Variants in CTNNA3 observed in about 807,000 individuals in gnomAD.
CTNNA3 encodes catenin alpha 3.
CTNNA3 carries 76 observed loss-of-function variants against 95.7 expected under a neutral mutation model. The observed-to-expected ratio is 0.79, with a 90% CI of 0.66 to 0.96. CTNNA3 has a LOEUF of 0.96. Among genes scored for constraint, CTNNA3 ranks in the 40% least tolerant of loss-of-function variants. The probability of loss-of-function intolerance (pLI) is 0.00; values close to 1 mark genes in which losing one functional copy is unlikely to be tolerated. For synonymous variants in CTNNA3, 431 were observed against 374.4 expected, an observed-to-expected ratio of 1.15 and a Z score of -1.74; for missense variants, 1,191 against 1,089.8, an observed-to-expected ratio of 1.09 and a Z score of -1.31.
intron 17 of CTNNA3, among the ~76,000 whole-genome samples, chr10:65,924,966 A>G (rs1420973837): frequency 6.6e-6 from 1 of 152,092 alleles, no homozygotes; most frequent in Non-Finnish European, 1.5e-5. Flanking sequence ...CATGGGAAAA[A>G]CCTGCCCCAT....
chr10:65,980,189 A>G (rs964703072), intron 16 of CTNNA3, among the ~76,000 whole-genome samples: 5 of 152,074 alleles, frequency 3.3e-5, no homozygotes, highest in African/African-American at 1.2e-4. Flanking sequence ...CAAGGCTACT[A>G]TGAACACCTT....
chr10:67,145,605 AT>A (rs1345801609), intron 7 of CTNNA3, among the ~76,000 whole-genome samples: 3 of 151,692 alleles, frequency 2.0e-5, no homozygotes, highest in Non-Finnish European at 4.4e-5. Flanking sequence ...TAATTTTTGT[AT>A]TTTTAGTAGA....
intron 10 of CTNNA3, among the ~76,000 whole-genome samples, chr10:66,590,033 A>G (rs1296244349): frequency 2.0e-5 from 3 of 152,150 alleles, no homozygotes; most frequent in Admixed American, 1.3e-4. Flanking sequence ...TTGGTAGCCT[A>G]AAATATGTTT....
rs16923813 is a variant in CTNNA3 at position 66,942,041 on chromosome 10, C to A, written c.1048-166517G>T. On this transcript the variant is annotated intron_variant, in intron 7 of 17. Coordinates refer to ENST00000433211, the MANE Select transcript of CTNNA3 (RefSeq NM_013266.4). Reference sequence around the variant, plus strand: ...GGTGCAGTTTTGGTTAGCCTGGTAGCACGGCATGGTATCAGTTTCCTCATC... The same window carrying A: ...GGTGCAGTTTTGGTTAGCCTGGTAGAACGGCATGGTATCAGTTTCCTCATC... Among the ~76,000 whole-genome samples the A allele has an allele frequency of 0.02, 3,055 of 152,218 alleles. 210 individuals carry two copies. In the East Asian group the frequency reaches 0.25, roughly 13 times the overall value.
At chr10:66,463,274 G>A (rs918905483) in intron 11 of CTNNA3, among the ~76,000 whole-genome samples, 1 of 152,060 alleles carries the variant, frequency 6.6e-6, no homozygotes, top group Non-Finnish European at 1.5e-5. Context: ...TGCTCTATTA[G>A]TTCCTTTGAG....
intron 13 of CTNNA3, among the ~76,000 whole-genome samples, chr10:66,216,224 A>T (rs1157994924): frequency 6.6e-6 from 1 of 152,212 alleles, no homozygotes; most frequent in African/African-American, 2.4e-5. Context: ...AAATCTGTCA[A>T]CTTCAATCCG....
intron 11 of CTNNA3, among the ~76,000 whole-genome samples, chr10:66,474,937 A>T (rs1011704760): frequency 6.6e-6 from 1 of 151,914 alleles, no homozygotes; most frequent in East Asian, 1.9e-4. Context: ...TATTGAGTTC[A>T]GTTGAGTTCC....
intron 9 of CTNNA3, among the ~76,000 whole-genome samples, chr10:66,732,955 C>G (rs1214079529): frequency 1.3e-5 from 2 of 151,982 alleles, no homozygotes; most frequent in Non-Finnish European, 1.5e-5. Flanking sequence ...GCCACCGCGC[C>G]CAGCTGATTT....
chr10:67,285,258 G>A (rs548682193), intron 5 of CTNNA3, among the ~76,000 whole-genome samples: 3 of 152,302 alleles, frequency 2.0e-5, no homozygotes, highest in East Asian at 3.9e-4. Flanking sequence ...AGGTAGAGGA[G>A]AAAATTGTTT....
chr10:66,173,140 A>G (rs1048778146), intron 13 of CTNNA3, among the ~76,000 whole-genome samples: 1 of 152,206 alleles, frequency 6.6e-6, no homozygotes, highest in Non-Finnish European at 1.5e-5. Context: ...ATCTATTAGA[A>G]GGGTTTCACT....
chr10:67,003,365 T>C (rs1211389993), intron 7 of CTNNA3, among the ~76,000 whole-genome samples: 1 of 152,172 alleles, frequency 6.6e-6, no homozygotes, highest in African/African-American at 2.4e-5. Flanking sequence ...CTTCACATAC[T>C]GTACAAAGTC....
chr10:65,951,942 A>G (rs984523916), intron 17 of CTNNA3, among the ~76,000 whole-genome samples: 4 of 149,390 alleles, frequency 2.7e-5, no homozygotes, highest in African/African-American at 9.9e-5. Context: ...AGACAGGAGA[A>G]TGGCATGAAC....
At chr10:65,987,987 AC>A (rs2078462748) in intron 16 of CTNNA3, among the ~76,000 whole-genome samples, 4 of 152,128 alleles carry the variant, frequency 2.6e-5, no homozygotes, top group Admixed American at 6.6e-5. Context: ...AAAGTTGATG[AC>A]ACAGAATTAA....
intron 2 of CTNNA3, among the ~76,000 whole-genome samples, chr10:67,611,359 G>T (rs1430081799): frequency 5.3e-5 from 8 of 151,938 alleles, no homozygotes; most frequent in Non-Finnish European, 8.8e-5. Flanking sequence ...TGTCGCCCAG[G>T]CTGGAGTGCC....
At chr10:67,502,764 T>C (rs552496590) in intron 5 of CTNNA3, among the ~76,000 whole-genome samples, 1 of 152,314 alleles carries the variant, frequency 6.6e-6, no homozygotes, top group South Asian at 2.1e-4. Flanking sequence ...TTTGTTTACA[T>C]TGTGAGGGGA....
chr10:66,409,288 A>C (rs1589211241), intron 11 of CTNNA3, among the ~76,000 whole-genome samples: 1 of 152,090 alleles, frequency 6.6e-6, no homozygotes, highest in Non-Finnish European at 1.5e-5. Flanking sequence ...GAGAATTTAG[A>C]TTGCTCTAAC....
At chr10:66,989,108 T>C (rs1850895571) in intron 7 of CTNNA3, among the ~76,000 whole-genome samples, 1 of 152,206 alleles carries the variant, frequency 6.6e-6, no homozygotes, top group South Asian at 2.1e-4. Context: ...GTATCTGTTT[T>C]ACTTTGATGG....
At chr10:66,825,776 T>C (rs1842485623) in intron 7 of CTNNA3, among the ~76,000 whole-genome samples, 1 of 152,206 alleles carries the variant, frequency 6.6e-6, no homozygotes, top group South Asian at 2.1e-4. Flanking sequence ...TGTCCCAGGA[T>C]TGTGGAGCCC....
chr10:66,306,366 C>G (rs2091934187), intron 12 of CTNNA3, among the ~76,000 whole-genome samples: 1 of 152,090 alleles, frequency 6.6e-6, no homozygotes, highest in East Asian at 1.9e-4. Flanking sequence ...ATTTTTTTAA[C>G]TGCCACAAAT....
Sources: gnomAD v4.1 joint callset for allele counts (sites outside exome capture counted in the v4.1 genomes callset) on GRCh38, gnomAD v4.1.1 for gene constraint, MANE v1.5 for transcripts, NCBI Gene and HGNC (gene_info 2026-07-23, HGNC 2026-07-21) for gene names.